Variants in MPPED2 observed in about 807,000 individuals in gnomAD.
MPPED2 encodes the protein metallophosphoesterase domain containing 2.
A neutral mutation model predicts 33.0 loss-of-function variants in MPPED2; 5 were observed. The observed-to-expected ratio is 0.15, with a 90% CI of 0.08 to 0.32. The LOEUF (loss-of-function observed/expected upper bound fraction) is 0.32, where lower values mean the gene tolerates loss of function less well. Among genes scored for constraint, MPPED2 ranks in the 10% least tolerant of loss-of-function variants. The pLI is 1.00. For missense variants in MPPED2, 275 were observed against 372.1 expected (o/e 0.74, Z 2.15); for synonymous variants, 136 against 141.9 (o/e 0.96, Z 0.29).
intron 4 of MPPED2, among the ~76,000 whole-genome samples, chr11:30,435,186 C>T (rs543754706): frequency 2.6e-5 from 4 of 152,282 alleles, no homozygotes; most frequent in African/African-American, 4.8e-5. Context: ...TTTTAGAAGG[C>T]GAGGGACCAG....
intron 6 of MPPED2, among the ~76,000 whole-genome samples, chr11:30,393,069 C>T (rs1210842349): frequency 6.6e-6 from 1 of 152,224 alleles, no homozygotes; most frequent in Admixed American, 6.5e-5. Context: ...TGGGAACCTT[C>T]AATTTGTGCC....
chr11:30,575,866 G>A (rs1442676783), intron 2 of MPPED2, among the ~76,000 whole-genome samples: 2 of 152,076 alleles, frequency 1.3e-5, no homozygotes, highest in South Asian at 4.2e-4. Context: ...CGGGACACTT[G>A]CCAACCCTGA....
At chr11:30,391,207 C>G (rs1947770031) in intron 6 of MPPED2, among the ~76,000 whole-genome samples, 1 of 152,120 alleles carries the variant, frequency 6.6e-6, no homozygotes, top group African/African-American at 2.4e-5. Context: ...GGCCCCAACT[C>G]CCTTTATAAA....
intron 4 of MPPED2, among the ~76,000 whole-genome samples, chr11:30,443,616 G>A (rs530634605): frequency 6.6e-6 from 1 of 152,304 alleles, no homozygotes; most frequent in African/African-American, 2.4e-5. Context: ...CCAGATTGCA[G>A]TAGTAAGGAC....
intron 2 of MPPED2, among the ~76,000 whole-genome samples, chr11:30,554,420 C>G (rs576384113): frequency 6.6e-6 from 1 of 152,270 alleles, no homozygotes; most frequent in Non-Finnish European, 1.5e-5. Context: ...GAAGGGTAGT[C>G]TCCTGTTTTA....
At chr11:30,451,571 G>T in intron 4 of MPPED2, 2 of 417,796 alleles carry the variant, frequency 4.8e-6, no homozygotes, top group Non-Finnish European at 6.4e-6. Context: ...CAATCTATTT[G>T]GAATCTCAGG....
chr11:30,412,956 TC>T (rs1948175187), intron 6 of MPPED2, among the ~76,000 whole-genome samples: 1 of 152,150 alleles, frequency 6.6e-6, no homozygotes, highest in South Asian at 2.1e-4. Context: ...AGGTCCCACC[TC>T]CCTAGTCTCC....
intron 3 of MPPED2, among the ~76,000 whole-genome samples, chr11:30,503,087 A>G (rs1460209066): frequency 6.6e-6 from 1 of 152,066 alleles, no homozygotes; most frequent in Non-Finnish European, 1.5e-5. Flanking sequence ...TGTGGGAAGG[A>G]TCTGGTGGGA....
At chr11:30,583,134 C>CTTTTTTTCTTTTCTT (rs1554919022) in intron 1 of MPPED2, among the ~76,000 whole-genome samples, 1 of 96,712 alleles carries the variant, frequency 1.0e-5, no homozygotes, top group Non-Finnish European at 2.0e-5. Context: ...AAGACTTTTT[C>CTTTTTTTCTTTTCTT]TTTTTTTTTT....
chr11:30,473,506 G>C (rs1489874462), intron 4 of MPPED2, among the ~76,000 whole-genome samples: 1 of 152,102 alleles, frequency 6.6e-6, no homozygotes, highest in Non-Finnish European at 1.5e-5. Flanking sequence ...CTGCCACTAT[G>C]ATGGGCAGCC....
At chr11:30,409,986 T>C (rs915742823), downstream of MPPED2, 2 of 590,976 alleles carry the variant, frequency 3.4e-6, no homozygotes, top group Non-Finnish European at 4.3e-6. Context: ...CAGCCAAAGA[T>C]GAAACCTAAG....
At chr11:30,479,095 GTCT>G (rs1342399733) in intron 4 of MPPED2, among the ~76,000 whole-genome samples, 1 of 152,030 alleles carries the variant, frequency 6.6e-6, no homozygotes, top group Admixed American at 6.6e-5. Context: ...AGCCTCCCTG[GTCT>G]TCTTATCCTA....
intron 5 of MPPED2, among the ~76,000 whole-genome samples, chr11:30,416,028 T>A (rs1018864717): frequency 1.3e-5 from 2 of 152,230 alleles, no homozygotes; most frequent in Non-Finnish European, 2.9e-5. Flanking sequence ...GATCACAATA[T>A]TTAGCTAGCA....
chr11:30,489,150 T>A (rs1951867278), intron 4 of MPPED2, among the ~76,000 whole-genome samples: 1 of 152,078 alleles, frequency 6.6e-6, no homozygotes, highest in African/African-American at 2.4e-5. Flanking sequence ...TTCTATCATA[T>A]GAGTTGCCAG....
intron 3 of MPPED2, among the ~76,000 whole-genome samples, chr11:30,520,559 T>C (rs1266286784): frequency 6.6e-6 from 1 of 152,210 alleles, no homozygotes; most frequent in Non-Finnish European, 1.5e-5. Flanking sequence ...CTAGCATTTA[T>C]TTTTATTTGT....
At chr11:30,531,750 T>C (rs1197746101) in intron 3 of MPPED2, among the ~76,000 whole-genome samples, 1 of 152,246 alleles carries the variant, frequency 6.6e-6, no homozygotes, top group Non-Finnish European at 1.5e-5. Flanking sequence ...AATACTTCCC[T>C]ACCTCATAAT....
chr11:30,394,317 A>G (rs1441784629), intron 6 of MPPED2, among the ~76,000 whole-genome samples: 1 of 152,184 alleles, frequency 6.6e-6, no homozygotes, highest in Non-Finnish European at 1.5e-5. Context: ...TCATCTGTAA[A>G]TGTATCTTTA....
chr11:30,562,251 T>C (rs920495454), intron 2 of MPPED2, among the ~76,000 whole-genome samples: 3 of 152,098 alleles, frequency 2.0e-5, no homozygotes, highest in African/African-American at 7.2e-5. Context: ...AGGCTCTGAA[T>C]AGGAAATGGC....
At chr11:30,438,663 C>T (rs1949428889) in intron 4 of MPPED2, among the ~76,000 whole-genome samples, 1 of 152,222 alleles carries the variant, frequency 6.6e-6, no homozygotes, top group Non-Finnish European at 1.5e-5. Flanking sequence ...TGAGCTTCAG[C>T]TTCTTTAGGT....
Sources: allele counts gnomAD v4.1 joint callset (sites outside exome capture counted in the v4.1 genomes callset), GRCh38; gene constraint gnomAD v4.1.1; transcripts MANE v1.5; gene names NCBI Gene and HGNC (gene_info 2026-07-23, HGNC 2026-07-21).